CLIP2: variants seen among roughly 807,000 people sequenced by gnomAD.
CLIP2 encodes the protein CAP-Gly domain containing linker protein 2.
A neutral mutation model predicts 111.7 loss-of-function variants in CLIP2; 41 were observed. The ratio of observed to expected loss-of-function variants is 0.37; its 90% confidence interval spans 0.29 to 0.48. The LOEUF (loss-of-function observed/expected upper bound fraction) is 0.48, where lower values mean the gene tolerates loss of function less well. Ranked by LOEUF, CLIP2 falls within the 20% of genes least tolerant of loss-of-function variation. The probability of loss-of-function intolerance (pLI) is 0.99; values close to 1 mark genes in which losing one functional copy is unlikely to be tolerated. For missense variants in CLIP2, 1,160 were observed against 1,422.1 expected (o/e 0.82, Z 2.96); for synonymous variants, 660 against 644.2 (o/e 1.02, Z -0.37).
At chr7:74,299,442 C>G (rs542105078) in intron 1 of CLIP2, among the ~76,000 whole-genome samples, 1 of 152,344 alleles carries the variant, frequency 6.6e-6, no homozygotes, top group Non-Finnish European at 1.5e-5. Context: ...TCCACTCTCC[C>G]CACCCATAGT....
In CLIP2 at chr7:74,324,406, C is replaced by T. The variant is rs193292731; in HGVS notation, c.121+6739C>T. Among the ~76,000 whole-genome samples the T allele has an allele frequency of 2.0e-5, 3 of 152,320 alleles. No individual in the cohort carries two copies. In the East Asian group the frequency reaches 5.8e-4, roughly 29 times the overall value. ...ATCACCTGCTGTCATCTGAATGGTT[C>T]CCTGGAGGGAACGGACTGTAGTGTG... On this transcript the variant is annotated intron_variant, in intron 2 of 16. Coordinates refer to ENST00000223398, the MANE Select transcript of CLIP2 (RefSeq NM_003388.5).
chr7:74,357,802 G>T (rs1790191212), intron 6 of CLIP2, among the ~76,000 whole-genome samples: 1 of 150,562 alleles, frequency 6.6e-6, no homozygotes, highest in African/African-American at 2.4e-5. Context: ...TGTCACCCAG[G>T]CTGGGGTGTA....
chr7:74,315,651 G>GCCT, intron 1 of CLIP2, among the ~76,000 whole-genome samples: 1 of 151,726 alleles, frequency 6.6e-6, no homozygotes, highest in South Asian at 2.1e-4. Flanking sequence ...GCTCACTGCA[G>GCCT]CCTCCTCCTC....
chr7:74,364,230 A>G (rs1790413511), intron 7 of CLIP2, 25 bp from the exon 8 acceptor site: 1 of 1,608,912 alleles, frequency 6.2e-7, no homozygotes. Context: ...AAGCCAGGTC[A>G]GCCACCTCTT....
In CLIP2 at chr7:74,305,650, C is replaced by T. The variant is rs190227192; in HGVS notation, c.-67-11830C>T. Among the ~76,000 whole-genome samples, 188 of 152,268 alleles carry T rather than the reference C, an allele frequency of 1.2e-3. 3 individuals carry two copies. In the East Asian group the frequency reaches 0.027, roughly 22 times the overall value. On this transcript the variant is annotated intron_variant, in intron 1 of 16. Coordinates refer to ENST00000223398, the MANE Select transcript of CLIP2 (RefSeq NM_003388.5). ...CTGGGATTACAGGCATGCGCCACCA[C>T]GCCCAGCTAATTTTTCTATTTTTAG... is the stretch of plus-strand genomic sequence containing the variant.
In CLIP2 at chr7:74,346,305, G is replaced by C. The variant is rs537250730; in HGVS notation, c.678+7301G>C. Among the ~76,000 whole-genome samples the C allele has an allele frequency of 5.3e-5, 8 of 152,226 alleles. No individual in the cohort carries two copies. In the East Asian group the frequency reaches 1.5e-3, roughly 29 times the overall value. ...TATGAAGATAAATTTTTTTAAAAGA[G>C]CTAGTGGTAGGGGAAGAGGAGAAGC... On this transcript the variant is annotated intron_variant, in intron 3 of 16. Transcript: ENST00000223398.
At chr7:74,325,980 T>C (rs1789095063) in intron 2 of CLIP2, among the ~76,000 whole-genome samples, 1 of 151,874 alleles carries the variant, frequency 6.6e-6, no homozygotes, top group Non-Finnish European at 1.5e-5. Context: ...GGCTCATGCC[T>C]GTAATCCCAG....
At chr7:74,352,268 T>G (rs1470784885) in intron 3 of CLIP2, among the ~76,000 whole-genome samples, 1 of 151,498 alleles carries the variant, frequency 6.6e-6, no homozygotes, top group East Asian at 1.9e-4. Context: ...AACCCCATCT[T>G]TACTAAAAAT....
intron 6 of CLIP2, among the ~76,000 whole-genome samples, chr7:74,359,688 G>A (rs1185610892): frequency 1.3e-5 from 2 of 152,118 alleles, no homozygotes; most frequent in South Asian, 2.1e-4. Context: ...AGATTCTAGG[G>A]TTGAATTTCA....
At position 74,404,003 on chromosome 7, in the gene CLIP2, C is replaced by T. The variant is rs567430588; in HGVS notation, c.*155C>T. The T allele has an allele frequency of 9.9e-6, 8 of 804,370 alleles. No homozygotes were observed. In the East Asian group the frequency reaches 2.1e-4, roughly 21 times the overall value. The allele number at this position is 804,370 out of a possible 1,614,324, so 49.8% of individuals were successfully genotyped here. ...CTCACCGCCGCGGACAATCCCCCACCCCGATCCCTCGCCAGACCAGGACGC... is the reference window on the plus strand; with the variant it reads ...CTCACCGCCGCGGACAATCCCCCACTCCGATCCCTCGCCAGACCAGGACGC... On this transcript the variant is annotated 3_prime_UTR_variant, in exon 17 of 17. Transcript: ENST00000223398.
intron 2 of CLIP2, among the ~76,000 whole-genome samples, chr7:74,324,096 G>A (rs981637950): frequency 3.3e-5 from 5 of 151,956 alleles, no homozygotes; most frequent in African/African-American, 7.3e-5. Flanking sequence ...GGGTTCAAGC[G>A]ATTCTTCTGC....
intron 14 of CLIP2, 97 bp from the exon 15 acceptor site, chr7:74,400,273 C>T (rs189062430): frequency 1.8e-6 from 2 of 1,113,228 alleles, no homozygotes; most frequent in Admixed American, 4.7e-5. Flanking sequence ...AACCCAGAGA[C>T]AAAGTGAGGC....
At chr7:74,315,651 GCCT>G (rs1447159542) in intron 1 of CLIP2, among the ~76,000 whole-genome samples, 4 of 151,608 alleles carry the variant, frequency 2.6e-5, no homozygotes, top group Non-Finnish European at 5.9e-5. Flanking sequence ...GCTCACTGCA[GCCT>G]CCTCCTCCTG....
chr7:74,373,914 G>A (rs1191032917), intron 9 of CLIP2, among the ~76,000 whole-genome samples: 1 of 152,070 alleles, frequency 6.6e-6, no homozygotes, highest in African/African-American at 2.4e-5. Flanking sequence ...TGTCCCCAGG[G>A]AATGGTGTTA....
chr7:74,341,792 C>T (rs1789663838), intron 3 of CLIP2, among the ~76,000 whole-genome samples: 1 of 152,100 alleles, frequency 6.6e-6, no homozygotes, highest in Non-Finnish European at 1.5e-5. Context: ...CTGGACAGAA[C>T]TTCCCCTGGG....
rs1791414846 is a variant in CLIP2, at chr7:74,395,241, C to A, written c.2721-1833C>A. ...GTGGCGCAATCTTGGCTCACCGCAACCTCTGCCTCCTGGGTTCAAGCAATT... is the reference window on the plus strand; with the variant it reads ...GTGGCGCAATCTTGGCTCACCGCAAACTCTGCCTCCTGGGTTCAAGCAATT... On this transcript the variant is annotated intron_variant, in intron 13 of 16. Coordinates refer to ENST00000223398, the MANE Select transcript of CLIP2 (RefSeq NM_003388.5). 2.0e-5 allele frequency among the ~76,000 whole-genome samples: 3 copies of A among 152,076 alleles called. No individual in the cohort carries two copies. The South Asian group carries it at 6.2e-4, about 32-fold the overall frequency.
At chr7:74,295,908 G>C (rs1204609341) in intron 1 of CLIP2, among the ~76,000 whole-genome samples, 1 of 142,090 alleles carries the variant, frequency 7.0e-6, no homozygotes, top group African/African-American at 2.7e-5. Flanking sequence ...AGGATCTCTT[G>C]AACCCAGGAG....
At chr7:74,301,374 C>CTTATTA (rs3052819) in intron 1 of CLIP2, among the ~76,000 whole-genome samples, 13 of 151,326 alleles carry the variant, frequency 8.6e-5, no homozygotes, top group Admixed American at 4.0e-4. Flanking sequence ...AACTTATTTA[C>CTTATTA]TTATTATTAT....
At chr7:74,373,224 G>C (rs1316991007) in intron 9 of CLIP2, among the ~76,000 whole-genome samples, 188 bp downstream of exon 9, 1 of 152,132 alleles carries the variant, frequency 6.6e-6, no homozygotes, top group Non-Finnish European at 1.5e-5. Flanking sequence ...GTGGCCGGGT[G>C]CGGTGGCTCA....
Sources: allele counts gnomAD v4.1 joint callset (sites outside exome capture counted in the v4.1 genomes callset), GRCh38; gene constraint gnomAD v4.1.1; transcripts MANE v1.5; gene names NCBI Gene and HGNC (gene_info 2026-07-23, HGNC 2026-07-21).